The following MITF variants were observed in gnomAD, a reference collection of about 807,000 sequenced individuals.
MITF encodes the protein microphthalmia-associated transcription factor.
A neutral mutation model predicts 60.5 loss-of-function variants in MITF; 17 were observed. That is an observed-to-expected ratio of 0.28 (90% CI 0.19 to 0.42). The LOEUF (loss-of-function observed/expected upper bound fraction) is 0.42, where lower values mean the gene tolerates loss of function less well. Ranked by LOEUF, MITF falls within the 10% of genes least tolerant of loss-of-function variation. The pLI is 1.00. For synonymous variants in MITF, 260 were observed against 248.5 expected (o/e 1.05, Z -0.43); for missense variants, 622 against 683.5 (o/e 0.91, Z 1.00).
At chr3:69,936,538 G>T in intron 2 of MITF, 3 of 1,337,224 alleles carry the variant, frequency 2.2e-6, no homozygotes, top group Non-Finnish European at 2.0e-6. Context: ...TTTTTTACAT[G>T]CATAACTAAT....
chr3:69,808,275 G>A (rs13320724), intron 1 of MITF, among the ~76,000 whole-genome samples: 76,269 of 151,546 alleles, frequency 0.5, 20,845 homozygotes, highest in Non-Finnish European at 0.63. Flanking sequence ...CAGAATAACC[G>A]TACAAGTTTT....
chr3:69,787,126 G>T (rs185389678), intron 1 of MITF, among the ~76,000 whole-genome samples: 42 of 152,290 alleles, frequency 2.8e-4, no homozygotes, highest in Middle Eastern at 6.8e-3. Flanking sequence ...CAAAGGAGAA[G>T]CTCAAACCGT....
chr3:69,830,029 C>G (rs902314936), intron 1 of MITF, among the ~76,000 whole-genome samples: 1 of 151,800 alleles, frequency 6.6e-6, no homozygotes, highest in Non-Finnish European at 1.5e-5. Flanking sequence ...CAGGAGGGAC[C>G]GTGATGTGAT....
At chr3:69,866,167 T>C in intron 1 of MITF, 1 of 1,537,102 alleles carries the variant, frequency 6.5e-7, no homozygotes. Context: ...AGCACAGAGC[T>C]GTGTTTGGAT....
At position 69,931,024 on chromosome 3, in the gene MITF, G is replaced by A. The variant is rs544077736; in HGVS notation, c.355-6798G>A. 3.9e-5 allele frequency among the ~76,000 whole-genome samples: 6 copies of A among 152,280 alleles called. No individual in the cohort carries two copies. The East Asian group carries it at 5.8e-4, about 15-fold the overall frequency. On this transcript the variant is annotated intron_variant, in intron 2 of 9. Coordinates refer to ENST00000352241, the MANE Select transcript of MITF (RefSeq NM_001354604.2). ...TTTAAAAGCAAAAGAAAACTGTGTC[G>A]AGACTTTCAAGAATATTTTATGTGA...
intron 2 of MITF, among the ~76,000 whole-genome samples, chr3:69,910,476 C>T (rs1051882155): frequency 6.6e-6 from 1 of 152,148 alleles, no homozygotes; most frequent in Non-Finnish European, 1.5e-5. Flanking sequence ...GGTAGATCCA[C>T]TGACAGCGTG....
chr3:69,845,060 G>C (rs967404535), intron 1 of MITF, among the ~76,000 whole-genome samples: 1 of 152,072 alleles, frequency 6.6e-6, no homozygotes, highest in African/African-American at 2.4e-5. Context: ...TCTAGAAAAC[G>C]TGCAGGCTTT....
intron 1 of MITF, among the ~76,000 whole-genome samples, chr3:69,820,652 C>A (rs550708813): frequency 2.6e-5 from 4 of 152,216 alleles, no homozygotes; most frequent in East Asian, 1.9e-4. Flanking sequence ...AGAATTGGCA[C>A]AGGAGAAAAT....
chr3:69,923,178 AGTTTGGTAGT>A (rs1448267192), intron 2 of MITF, among the ~76,000 whole-genome samples: 9 of 152,246 alleles, frequency 5.9e-5, no homozygotes, highest in African/African-American at 1.4e-4. Context: ...AATAACTCAT[AGTTTGGTAGT>A]GTTTCATAAA....
chr3:69,763,691 T>C (rs1185014672), intron 1 of MITF: 6 of 1,295,948 alleles, frequency 4.6e-6, no homozygotes, highest in Non-Finnish European at 6.0e-6. Context: ...AAGGCAGCCC[T>C]GGTGAGTGTT....
intron 1 of MITF, among the ~76,000 whole-genome samples, chr3:69,862,576 T>C (rs1191818220): frequency 6.6e-6 from 1 of 152,244 alleles, no homozygotes; most frequent in Non-Finnish European, 1.5e-5. Context: ...ACAGTAGCAT[T>C]ACTTTTCTTC....
chr3:69,754,738 A>G (rs1704065409), intron 1 of MITF, among the ~76,000 whole-genome samples: 1 of 152,070 alleles, frequency 6.6e-6, no homozygotes, highest in Admixed American at 6.6e-5. Context: ...ATATGATCTA[A>G]GTGATAGGGT....
intron 1 of MITF, among the ~76,000 whole-genome samples, chr3:69,749,651 C>G (rs1476030290): frequency 3.9e-5 from 6 of 152,246 alleles, no homozygotes; most frequent in African/African-American, 1.2e-4. Flanking sequence ...GAAGCAATAC[C>G]TAAAAATATA....
intron 2 of MITF, among the ~76,000 whole-genome samples, chr3:69,886,279 TGGA>T (rs1355795547): frequency 2.0e-5 from 3 of 152,104 alleles, no homozygotes. Flanking sequence ...TGAAGCACCT[TGGA>T]GGAGGAAAGG....
At chr3:69,856,108 A>T (rs2063914042) in intron 1 of MITF, among the ~76,000 whole-genome samples, 1 of 152,162 alleles carries the variant, frequency 6.6e-6, no homozygotes, top group Admixed American at 6.5e-5. Context: ...AATTCTTTGT[A>T]GCTATTAGCC....
At chr3:69,914,407 C>T (rs1202851669) in intron 2 of MITF, among the ~76,000 whole-genome samples, 6 of 152,198 alleles carry the variant, frequency 3.9e-5, no homozygotes, top group African/African-American at 1.2e-4. Flanking sequence ...CAGGCATGAG[C>T]CACCACACCC....
rs180711903 is a variant in MITF, at chr3:69,948,634, T to G, written c.763-417T>G. Among the ~76,000 whole-genome samples the G allele has an allele frequency of 3.3e-5, 5 of 152,256 alleles. No homozygotes were observed. The East Asian group carries it at 9.7e-4, about 29-fold the overall frequency. On this transcript the variant is annotated intron_variant, in intron 5 of 9. Coordinates refer to ENST00000352241, the MANE Select transcript of MITF (RefSeq NM_001354604.2). ...CGAGAAGGAAGGAACAAAATTAACT[T>G]TAATGGAAAGTCCTATTTGGTGAAA...
intron 6 of MITF, among the ~76,000 whole-genome samples, chr3:69,951,159 G>A (rs2066241495): frequency 6.9e-6 from 1 of 145,432 alleles, no homozygotes; most frequent in Non-Finnish European, 1.5e-5. Flanking sequence ...GTGCAGTGGT[G>A]TGATCACGGC....
intron 9 of MITF, among the ~76,000 whole-genome samples, chr3:69,963,118 A>G (rs565266006): frequency 3.6e-4 from 55 of 152,300 alleles, no homozygotes; most frequent in Non-Finnish European, 6.3e-4. Flanking sequence ...TAAAGGCCCT[A>G]TCTCCAAATA....
Sources: gnomAD v4.1 joint callset for allele counts (sites outside exome capture counted in the v4.1 genomes callset) on GRCh38, gnomAD v4.1.1 for gene constraint, MANE v1.5 for transcripts, NCBI Gene and HGNC (gene_info 2026-07-23, HGNC 2026-07-21) for gene names.